Variants in RASSF8 observed in about 807,000 individuals in gnomAD.
The protein encoded by RASSF8 is Ras association domain family member 8.
Under a neutral mutation model 48.5 loss-of-function variants are expected in RASSF8, and 22 were observed. That is an observed-to-expected ratio of 0.45 (90% CI 0.32 to 0.65). The LOEUF is 0.65. Ranked by LOEUF, RASSF8 falls within the 30% of genes least tolerant of loss-of-function variation. The pLI is 0.03. For synonymous variants in RASSF8, 127 were observed against 171.5 expected, an observed-to-expected ratio of 0.74 and a Z score of 2.03; for missense variants, 418 against 489.2, an observed-to-expected ratio of 0.85 and a Z score of 1.37.
At chr12:25,985,712 G>A (rs990881926) in intron 1 of RASSF8, among the ~76,000 whole-genome samples, 5 of 152,170 alleles carry the variant, frequency 3.3e-5, no homozygotes, top group African/African-American at 4.8e-5. Context: ...GGGAGGGGTC[G>A]CCAAAATTAA....
intron 2 of RASSF8, among the ~76,000 whole-genome samples, chr12:26,013,375 T>G (rs1353085931): frequency 6.6e-6 from 1 of 152,216 alleles, no homozygotes; most frequent in East Asian, 1.9e-4. Context: ...CCCATAGAGA[T>G]ATCCTTATAG....
At position 26,041,512 on chromosome 12, in the gene RASSF8, A is replaced by G. The variant is rs189849324; in HGVS notation, c.-108-13724A>G. Reference sequence around the variant, plus strand: ...ACAGTTAATTTAATGAGTATGTACTATGTTCACAAGACTAGGAATTGTAAA... The same window carrying G: ...ACAGTTAATTTAATGAGTATGTACTGTGTTCACAAGACTAGGAATTGTAAA... On this transcript the variant is annotated intron_variant, in intron 2 of 5. Coordinates refer to ENST00000689635, the MANE Select transcript of RASSF8 (RefSeq NM_001394098.1). Among the ~76,000 whole-genome samples the G allele has an allele frequency of 1.3e-3, 201 of 152,270 alleles. 1 individual carries two copies. Among genetic ancestry groups the G allele is most frequent in the African/African-American group, 4.6e-3 (193 of 41,540 alleles).
rs776658339 is a variant in RASSF8, at chr12:26,065,390, A to G, written c.993+3A>G. ...GACAAGCCACCAAACGCTTACAGGT[A>G]GGGACACTTTGATAAATAGAATGTT... On this transcript the variant is annotated splice_donor_region_variant and intron_variant, in intron 4 of 5. Coordinates refer to ENST00000689635, the MANE Select transcript of RASSF8 (RefSeq NM_001394098.1). 8 of 1,592,022 alleles carry G rather than the reference A, an allele frequency of 5.0e-6. No homozygotes were observed. Among genetic ancestry groups the G allele is most frequent in the South Asian group, 2.3e-5 (2 of 87,634 alleles).
intron 3 of RASSF8, 85 bp downstream of exon 3, chr12:26,055,531 G>A (rs909008014): frequency 1.7e-6 from 2 of 1,203,668 alleles, no homozygotes; most frequent in African/African-American, 1.5e-5. Context: ...GATTTCTAGG[G>A]GATTTTGTTC....
upstream of RASSF8, chr12:25,958,404 G>T (rs1312725145): frequency 6.6e-6 from 1 of 151,672 alleles, no homozygotes; most frequent in South Asian, 2.1e-4. Context: ...TGGCCCGGTG[G>T]GCCCGAGGGT....
intron 2 of RASSF8, among the ~76,000 whole-genome samples, chr12:25,996,181 A>T (rs780518462): frequency 6.6e-6 from 1 of 152,202 alleles, no homozygotes; most frequent in Non-Finnish European, 1.5e-5. Flanking sequence ...GATTCTAATA[A>T]GGCAATTTTG....
In RASSF8 at chr12:25,995,908, TG is replaced by T. The variant is rs1214913618; in HGVS notation, c.-109+779del. Reference sequence around the variant, plus strand: ...CTCATAAATTCCTTAATCTCTCATTTGCAAAAGTTATGTGTGTGCATTTTTA... The same window carrying T: ...CTCATAAATTCCTTAATCTCTCATTTCAAAAGTTATGTGTGTGCATTTTTA... On this transcript the variant is annotated intron_variant, in intron 2 of 5. Coordinates refer to ENST00000689635, the MANE Select transcript of RASSF8 (RefSeq NM_001394098.1). 2.6e-5 allele frequency among the ~76,000 whole-genome samples: 4 copies of T among 152,330 alleles called. No homozygotes were observed. In the South Asian group the frequency reaches 8.3e-4, roughly 32 times the overall value.
chr12:26,048,438 A>G (rs1396315998), intron 2 of RASSF8, among the ~76,000 whole-genome samples: 2 of 152,186 alleles, frequency 1.3e-5, no homozygotes, highest in Non-Finnish European at 2.9e-5. Flanking sequence ...AGAAAGATGC[A>G]TATGCTGAGA....
chr12:26,013,180 G>A (rs914962830), intron 2 of RASSF8, among the ~76,000 whole-genome samples: 6 of 152,102 alleles, frequency 3.9e-5, no homozygotes, highest in African/African-American at 7.2e-5. Context: ...CTGTATTCTC[G>A]CTGTGTGGTG....
chr12:26,044,092 A>G (rs146547792), intron 2 of RASSF8, among the ~76,000 whole-genome samples: 1 of 152,226 alleles, frequency 6.6e-6, no homozygotes, highest in Non-Finnish European at 1.5e-5. Context: ...ACACTGTCCC[A>G]ATACTATTCC....
At chr12:26,037,685 T>G (rs769858674) in intron 2 of RASSF8, among the ~76,000 whole-genome samples, 4 of 152,224 alleles carry the variant, frequency 2.6e-5, no homozygotes, top group Non-Finnish European at 5.9e-5. Context: ...CAAATATATT[T>G]CATTGCATGG....
chr12:26,022,332 A>G (rs755441929), intron 2 of RASSF8, among the ~76,000 whole-genome samples: 8 of 152,224 alleles, frequency 5.3e-5, no homozygotes, highest in Non-Finnish European at 7.3e-5. Context: ...AGACTTCCCA[A>G]AATAGTCAAG....
chr12:26,073,954 A>C (rs61915669), downstream of RASSF8, among the ~76,000 whole-genome samples: 9 of 151,694 alleles, frequency 5.9e-5, no homozygotes, highest in Non-Finnish European at 2.9e-5. Flanking sequence ...TCCCATCTAT[A>C]TATATAGAGA....
intron 2 of RASSF8, among the ~76,000 whole-genome samples, chr12:26,009,024 A>G (rs189854034): frequency 3.3e-5 from 5 of 152,244 alleles, no homozygotes; most frequent in Admixed American, 2.0e-4. Context: ...TTTCTTGCAC[A>G]CTGGTAGTCC....
rs758802826 is a variant in RASSF8, at chr12:25,959,595, T to C, written c.-203+447T>C. On this transcript the variant is annotated intron_variant, in intron 1 of 5. Coordinates refer to ENST00000689635, the MANE Select transcript of RASSF8 (RefSeq NM_001394098.1). ...TTGGTTTATAGGTTTTTAAATTTCA[T>C]TTGAACTATTAACCATCTGCATTCT... 3.2e-4 allele frequency: 48 copies of C among 152,254 alleles called. 1 individual carries two copies. The highest frequency in any genetic ancestry group is 2.8e-3 in the Admixed American group (43 of 15,288). The allele number at this position is 152,254 out of a possible 1,614,324, so 9.4% of individuals were successfully genotyped here.
At chr12:25,988,122 A>G (rs1280158226) in intron 1 of RASSF8, among the ~76,000 whole-genome samples, 4 of 151,874 alleles carry the variant, frequency 2.6e-5, no homozygotes, top group Non-Finnish European at 5.9e-5. Flanking sequence ...CGGCCTCCCA[A>G]AGTGCTGGGA....
downstream of RASSF8, among the ~76,000 whole-genome samples, chr12:26,077,672 A>G (rs1235510852): frequency 2.0e-5 from 3 of 152,196 alleles, no homozygotes; most frequent in Non-Finnish European, 4.4e-5. Flanking sequence ...GTAGACTTGT[A>G]GTATAGTTTG....
chr12:25,979,039 A>G (rs138872864), intron 1 of RASSF8, among the ~76,000 whole-genome samples: 2 of 152,342 alleles, frequency 1.3e-5, no homozygotes, highest in African/African-American at 4.8e-5. Flanking sequence ...GTTCACTTCT[A>G]GATGGATATT....
At chr12:25,977,385 T>C (rs1298614681) in intron 1 of RASSF8, among the ~76,000 whole-genome samples, 1 of 152,224 alleles carries the variant, frequency 6.6e-6, no homozygotes. Context: ...AACTGGCTTA[T>C]ATGGTAGTTT....
Sources: gnomAD v4.1 joint callset for allele counts (sites outside exome capture counted in the v4.1 genomes callset) on GRCh38, gnomAD v4.1.1 for gene constraint, MANE v1.5 for transcripts, NCBI Gene and HGNC (gene_info 2026-07-23, HGNC 2026-07-21) for gene names.